FREM2: variants seen among roughly 807,000 people sequenced by gnomAD.
The protein encoded by FREM2 is FRAS1 related extracellular matrix 2, also known as FRAS1-related extracellular matrix protein 2.
FREM2 carries 119 observed loss-of-function variants against 219.9 expected under a neutral mutation model. That is an observed-to-expected ratio of 0.54 (90% CI 0.47 to 0.63). The LOEUF (loss-of-function observed/expected upper bound fraction) is 0.63, where lower values mean the gene tolerates loss of function less well. Among genes scored for constraint, FREM2 ranks in the 30% least tolerant of loss-of-function variants. The pLI, the probability that FREM2 is intolerant of heterozygous loss-of-function variation, is 0.00. For synonymous variants in FREM2, 1,562 were observed against 1,522.8 expected (o/e 1.03, Z -0.60); for missense variants, 4,030 against 3,993.6 (o/e 1.01, Z -0.25).
intron 3 of FREM2, 138 bp from the exon 4 acceptor site, chr13:38,769,431 ACCCATTCCC>A: frequency 4.2e-6 from 3 of 717,454 alleles, no homozygotes; most frequent in East Asian, 5.4e-5. Flanking sequence ...TCATCATCAG[ACCCATTCCC>A]AATTTTCCAT....
chr13:38,688,836 T>A lies in FREM2; in HGVS notation c.1492T>A (p.Ser498Thr). The A allele has an allele frequency of 6.2e-7, 1 of 1,613,872 alleles. No individual in the cohort carries two copies. The highest frequency in any genetic ancestry group is 8.5e-7 in the Non-Finnish European group (1 of 1,179,996). The change falls in exon 1 of 24, where the codon TCC becomes ACC. Residue 498 changes from serine to threonine, a missense_variant. Coordinates refer to ENST00000280481, the MANE Select transcript of FREM2 (RefSeq NM_207361.6). ...RHGHLVILGASSGSSAPKSFT... is the reference protein window; with the variant it reads ...RHGHLVILGATSGSSAPKSFT... ...TGGTCACCTTGTCATTCTGGGTGCTTCCAGTGGCAGCTCTGCTCCCAAGAG... is the reference window on the plus strand; with the variant it reads ...TGGTCACCTTGTCATTCTGGGTGCTACCAGTGGCAGCTCTGCTCCCAAGAG...
chr13:38,850,071 C>G lies in FREM2; in HGVS notation c.6413C>G (p.Thr2138Ser), dbSNP rs758396805. 3 of 1,613,950 alleles carry G rather than the reference C, an allele frequency of 1.9e-6. No individual in the cohort carries two copies. Among genetic ancestry groups the G allele is most frequent in the Non-Finnish European group, 2.5e-6 (3 of 1,179,852 alleles). Reference sequence around the variant, plus strand: ...ATGCAATTCAAAGAACGAATATATACTGGCAGCGAAAGTGATGGGCAGATA... The same window carrying G: ...ATGCAATTCAAAGAACGAATATATAGTGGCAGCGAAAGTGATGGGCAGATA... The part of the protein sequence containing the change: ...PKMQFKERIY[T>S]GSESDGQIVT... The change falls in exon 9 of 24, where the codon ACT becomes AGT. Residue 2138 changes from threonine to serine, a missense_variant. This residue lies in a region of FREM2 where 3,102 missense variants were observed against 2,950.7 expected (regional missense o/e 1.05). Coordinates refer to ENST00000280481, the MANE Select transcript of FREM2 (RefSeq NM_207361.6).
intron 6 of FREM2, among the ~76,000 whole-genome samples, chr13:38,841,820 T>G (rs1876974971): frequency 6.6e-6 from 1 of 152,208 alleles, no homozygotes; most frequent in Non-Finnish European, 1.5e-5. Context: ...TAATTCATTC[T>G]ACAAATATTG....
intron 14 of FREM2, among the ~76,000 whole-genome samples, chr13:38,861,161 C>T (rs1216823332): frequency 6.6e-6 from 1 of 152,146 alleles, no homozygotes; most frequent in Non-Finnish European, 1.5e-5. Flanking sequence ...ATAACCAGCA[C>T]ACATTAAGTT....
chr13:38,787,691 C>T (rs1173752355), intron 6 of FREM2, among the ~76,000 whole-genome samples: 2 of 150,644 alleles, frequency 1.3e-5, no homozygotes, highest in South Asian at 2.1e-4. Flanking sequence ...TCCTAATTAA[C>T]TTATTTATTA....
intron 2 of FREM2, among the ~76,000 whole-genome samples, chr13:38,753,360 C>T (rs1872855368): frequency 6.6e-6 from 1 of 152,100 alleles, no homozygotes; most frequent in Non-Finnish European, 1.5e-5. Context: ...AATGGAAAGA[C>T]CACTAAACCA....
chr13:38,784,857 C>A (rs1271686495), intron 6 of FREM2, 49 bp downstream of exon 6: 2 of 1,591,742 alleles, frequency 1.3e-6, no homozygotes, highest in Non-Finnish European at 1.7e-6. Context: ...AGATCAACAT[C>A]AGGAACAACT....
chr13:38,833,936 G>C (rs1462519007), intron 6 of FREM2, among the ~76,000 whole-genome samples: 2 of 152,000 alleles, frequency 1.3e-5, no homozygotes, highest in Non-Finnish European at 2.9e-5. Context: ...ATTTTGTTTT[G>C]AGCACAGTCC....
At chr13:38,864,183 C>A in intron 15 of FREM2, 92 bp from the exon 16 acceptor site, 1 of 977,464 alleles carries the variant, frequency 1.0e-6, no homozygotes, top group Non-Finnish European at 1.6e-6. Context: ...CATTTTATGA[C>A]ACTTGTTTTC....
At chr13:38,845,678 A>AT (rs1404292448) in intron 6 of FREM2, among the ~76,000 whole-genome samples, 2 of 151,914 alleles carry the variant, frequency 1.3e-5, no homozygotes, top group Admixed American at 6.6e-5. Context: ...CTCAAAATAA[A>AT]TTTTTTTTTA....
chr13:38,780,640 C>T (rs1271432574), intron 4 of FREM2, among the ~76,000 whole-genome samples: 1 of 152,184 alleles, frequency 6.6e-6, no homozygotes, highest in Non-Finnish European at 1.5e-5. Context: ...AGCCAGACCA[C>T]ACATTAAAAT....
At chr13:38,759,553 C>T (rs1873149858) in intron 2 of FREM2, among the ~76,000 whole-genome samples, 2 of 151,818 alleles carry the variant, frequency 1.3e-5, no homozygotes, top group South Asian at 4.2e-4. Flanking sequence ...ACCTTAATGG[C>T]TTTGGTGTCA....
intron 2 of FREM2, among the ~76,000 whole-genome samples, chr13:38,762,461 C>CA (rs1349392694): frequency 2.7e-5 from 4 of 150,518 alleles, no homozygotes; most frequent in African/African-American, 7.3e-5. Flanking sequence ...TTTTTTGAGA[C>CA]AGAGTTTCAC....
intron 2 of FREM2, among the ~76,000 whole-genome samples, chr13:38,713,588 C>T (rs1870867615): frequency 6.6e-6 from 1 of 152,176 alleles, no homozygotes; most frequent in African/African-American, 2.4e-5. Flanking sequence ...ACTGATCGCT[C>T]CATTTTTATC....
At chr13:38,855,438 A>G (rs1404379563) in intron 11 of FREM2, among the ~76,000 whole-genome samples, 2 of 152,162 alleles carry the variant, frequency 1.3e-5, no homozygotes, top group African/African-American at 4.8e-5. Flanking sequence ...TCTGGAGAAT[A>G]AGAGGTTAAT....
At chr13:38,785,778 A>G (rs1337584997) in intron 6 of FREM2, among the ~76,000 whole-genome samples, 1 of 152,142 alleles carries the variant, frequency 6.6e-6, no homozygotes, top group Non-Finnish European at 1.5e-5. Context: ...GCATAGGTTT[A>G]TTGGATCTTT....
rs893521707 is a variant in FREM2, at chr13:38,880,880, G to A, written c.*93G>A. The A allele has an allele frequency of 1.3e-5, 19 of 1,409,602 alleles. No individual in the cohort carries two copies. Among genetic ancestry groups the A allele is most frequent in the Non-Finnish European group, 1.6e-5 (16 of 1,007,578 alleles). 87.3% of individuals were successfully genotyped at this position (1,409,602 alleles called of 1,614,324 possible). A position where few individuals can be genotyped will look rare whatever the true frequency, so the allele number is the denominator to read the frequency against. ...CTTCTGGTAAACCATAGAGAATGGA[G>A]GATGGCTGTGATGAAGCTGCTTAGA... On this transcript the variant is annotated 3_prime_UTR_variant, in exon 24 of 24. Coordinates refer to ENST00000280481, the MANE Select transcript of FREM2 (RefSeq NM_207361.6).
chr13:38,869,632 T>G (rs1024691836), intron 16 of FREM2, among the ~76,000 whole-genome samples: 1 of 152,174 alleles, frequency 6.6e-6, no homozygotes, highest in African/African-American at 2.4e-5. Flanking sequence ...TTTTAATAGT[T>G]TCTAAAATAT....
intron 6 of FREM2, chr13:38,821,832 C>T (rs1407489134): frequency 6.6e-6 from 1 of 152,202 alleles, no homozygotes; most frequent in African/African-American, 2.4e-5. Flanking sequence ...AGACAAACAG[C>T]TCCAACAAGG....
Sources: allele counts gnomAD v4.1 joint callset (sites outside exome capture counted in the v4.1 genomes callset), GRCh38; gene constraint gnomAD v4.1.1; regional missense constraint gnomAD v4.1.1; transcripts MANE v1.5; gene names NCBI Gene and HGNC (gene_info 2026-07-23, HGNC 2026-07-21).